The following PARD3B variants were observed in gnomAD, a reference collection of about 807,000 sequenced individuals.
PARD3B encodes partitioning defective 3 homolog B.
Under a neutral mutation model 130.2 loss-of-function variants are expected in PARD3B, and 103 were observed. That is an observed-to-expected ratio of 0.79 (90% CI 0.67 to 0.93). The LOEUF (loss-of-function observed/expected upper bound fraction) is 0.93. Among genes scored for constraint, PARD3B ranks in the 40% least tolerant of loss-of-function variants. The probability of loss-of-function intolerance (pLI) is 0.00; values close to 1 mark genes in which losing one functional copy is unlikely to be tolerated. For missense variants in PARD3B, 1,609 were observed against 1,499.2 expected (o/e 1.07, Z -1.21); for synonymous variants, 583 against 553.2 (o/e 1.05, Z -0.76).
intron 19 of PARD3B, among the ~76,000 whole-genome samples, chr2:205,418,294 T>A (rs2046849959): frequency 6.6e-6 from 1 of 152,184 alleles, no homozygotes; most frequent in African/African-American, 2.4e-5. Context: ...TGATTCACTT[T>A]TGACTTTTTA....
intron 1 of PARD3B, among the ~76,000 whole-genome samples, chr2:204,657,395 A>C (rs776488830): frequency 6.6e-6 from 1 of 152,158 alleles, no homozygotes; most frequent in Non-Finnish European, 1.5e-5. Flanking sequence ...GGTCCCAGCT[A>C]CTTGGGAGAC....
At chr2:205,381,069 T>TAAAG (rs1559035663) in intron 18 of PARD3B, among the ~76,000 whole-genome samples, 813 of 23,538 alleles carry the variant, frequency 0.035, 56 homozygotes, top group African/African-American at 0.11. Context: ...AGAATATATA[T>TAAAG]TATATATATT....
chr2:204,927,678 C>T (rs1687726234), intron 2 of PARD3B, among the ~76,000 whole-genome samples: 2 of 152,108 alleles, frequency 1.3e-5, no homozygotes. Context: ...GAGTTATAGG[C>T]ACAAGATATT....
intron 1 of PARD3B, among the ~76,000 whole-genome samples, chr2:204,635,558 A>G (rs778740887): frequency 2.6e-5 from 4 of 152,162 alleles, no homozygotes; most frequent in Admixed American, 2.0e-4. Context: ...GAGGTAGAGC[A>G]CTGTTTCACA....
chr2:205,524,518 A>T (rs530580365), intron 21 of PARD3B, among the ~76,000 whole-genome samples: 1 of 152,192 alleles, frequency 6.6e-6, no homozygotes, highest in East Asian at 1.9e-4. Flanking sequence ...CTATGCCCTG[A>T]CTTCTTTTTG....
intron 18 of PARD3B, among the ~76,000 whole-genome samples, chr2:205,382,908 G>A (rs991569558): frequency 2.6e-5 from 4 of 151,748 alleles, no homozygotes; most frequent in East Asian, 3.9e-4. Context: ...TTTTGGCACC[G>A]TGAAATGCTG....
At chr2:204,897,385 G>GTTTGTT (rs1553550987) in intron 2 of PARD3B, among the ~76,000 whole-genome samples, 1 of 127,676 alleles carries the variant, frequency 7.8e-6, no homozygotes, top group Non-Finnish European at 1.6e-5. Context: ...TGTAGGTACT[G>GTTTGTT]TTTTTTTTTT....
rs556602533 is a variant in PARD3B at position 204,822,028 on chromosome 2, A to C, written c.222+135746A>C. ...CATTTCATAAGGCCAAAGCTGCCATAGATAGTGATTCCTTAACTTGGCAAT... is the reference window on the plus strand; with the variant it reads ...CATTTCATAAGGCCAAAGCTGCCATCGATAGTGATTCCTTAACTTGGCAAT... On this transcript the variant is annotated intron_variant, in intron 2 of 22. Coordinates refer to ENST00000406610, the MANE Select transcript of PARD3B (RefSeq NM_001302769.2). 3.0e-4 allele frequency among the ~76,000 whole-genome samples: 46 copies of C among 152,378 alleles called. No individual in the cohort carries two copies. In the East Asian group the frequency reaches 5.0e-3, roughly 17 times the overall value.
intron 1 of PARD3B, among the ~76,000 whole-genome samples, chr2:204,602,794 C>G (rs2033566985): frequency 6.6e-6 from 1 of 152,066 alleles, no homozygotes; most frequent in Non-Finnish European, 1.5e-5. Context: ...GTTGTTGATA[C>G]TCTAAGTGTC....
At chr2:204,935,258 A>T (rs545611603) in intron 2 of PARD3B, among the ~76,000 whole-genome samples, 1 of 151,060 alleles carries the variant, frequency 6.6e-6, no homozygotes. Flanking sequence ...GGCTGTGCGC[A>T]GTGGCTCACG....
intron 15 of PARD3B, among the ~76,000 whole-genome samples, chr2:205,231,607 T>G (rs140362874): frequency 0.014 from 2,199 of 151,966 alleles, 55 homozygotes; most frequent in African/African-American, 0.05. Flanking sequence ...AAAGTACTGG[T>G]ATTACAGATG....
chr2:205,431,494 G>C (rs2047332291), intron 19 of PARD3B, among the ~76,000 whole-genome samples: 1 of 151,302 alleles, frequency 6.6e-6, no homozygotes, highest in South Asian at 2.1e-4. Context: ...TTTTGAGACA[G>C]AGTCTTGCAC....
At position 205,323,199 on chromosome 2, in the gene PARD3B, G is replaced by A. The variant is rs141831443; in HGVS notation, c.2630+21498G>A. Among the ~76,000 whole-genome samples, 246 of 152,050 alleles carry A rather than the reference G, an allele frequency of 1.6e-3. 2 individuals carry two copies. The highest frequency in any genetic ancestry group is 5.6e-3 in the African/African-American group (232 of 41,516). ...GCTGGGATTACAGGCGTGAGCCACC[G>A]TGCCTGGCCTAACACCCCCTTTTAA... On this transcript the variant is annotated intron_variant, in intron 18 of 22. Transcript: ENST00000406610.
intron 15 of PARD3B, among the ~76,000 whole-genome samples, chr2:205,205,869 T>A (rs932907378): frequency 6.6e-6 from 1 of 152,222 alleles, no homozygotes; most frequent in African/African-American, 2.4e-5. Context: ...TGAGGATTTT[T>A]GCATCGATGT....
intron 4 of PARD3B, among the ~76,000 whole-genome samples, chr2:205,098,700 C>T (rs917729905): frequency 4.6e-5 from 7 of 152,090 alleles, no homozygotes; most frequent in African/African-American, 1.7e-4. Context: ...ATACCTTAAT[C>T]ACCCCTGGAG....
At chr2:205,242,136 T>C (rs958974524) in intron 15 of PARD3B, among the ~76,000 whole-genome samples, 1 of 152,208 alleles carries the variant, frequency 6.6e-6, no homozygotes, top group African/African-American at 2.4e-5. Flanking sequence ...TATTCATTTA[T>C]CTTCTGTCCT....
intron 22 of PARD3B, among the ~76,000 whole-genome samples, chr2:205,571,712 T>C (rs2053567712): frequency 6.6e-6 from 1 of 151,958 alleles, no homozygotes; most frequent in Non-Finnish European, 1.5e-5. Context: ...TATGGAAAGG[T>C]TTTAAAGACC....
At chr2:205,567,358 A>G (rs1445839834) in intron 22 of PARD3B, among the ~76,000 whole-genome samples, 1 of 114,410 alleles carries the variant, frequency 8.7e-6, no homozygotes, top group Non-Finnish European at 1.6e-5. Flanking sequence ...TCTGTCGCCC[A>G]GGATGGAGTG....
chr2:204,574,626 C>T (rs1037200547), intron 1 of PARD3B, among the ~76,000 whole-genome samples: 1 of 152,198 alleles, frequency 6.6e-6, no homozygotes, highest in Non-Finnish European at 1.5e-5. Context: ...TGATCTTAGG[C>T]AACTTACAGT....
Sources: gnomAD v4.1 joint callset for allele counts (sites outside exome capture counted in the v4.1 genomes callset) on GRCh38, gnomAD v4.1.1 for gene constraint, MANE v1.5 for transcripts, NCBI Gene and HGNC (gene_info 2026-07-23, HGNC 2026-07-21) for gene names.